Variants in DPP10 observed in about 807,000 individuals in gnomAD.
DPP10 encodes dipeptidyl peptidase like 10, also known as inactive dipeptidyl peptidase 10.
In DPP10, 33 loss-of-function variants were observed where a neutral mutation model predicts 120.9. That is an observed-to-expected ratio of 0.27 (90% CI 0.21 to 0.37). The LOEUF is 0.37. Among genes scored for constraint, DPP10 ranks in the 10% least tolerant of loss-of-function variants. The probability of loss-of-function intolerance (pLI) is 1.00; values close to 1 mark genes in which losing one functional copy is unlikely to be tolerated. For missense variants in DPP10, 816 were observed against 942.8 expected (o/e 0.87, Z 1.76); for synonymous variants, 337 against 326.1 (o/e 1.03, Z -0.36).
At chr2:115,403,390 T>C (rs2068256638) in intron 3 of DPP10, among the ~76,000 whole-genome samples, 2 of 25,658 alleles carry the variant, frequency 7.8e-5, no homozygotes, top group African/African-American at 2.4e-4. Flanking sequence ...TCTTTTTTTT[T>C]TTTTTTTTTT....
chr2:115,705,191 T>C (rs2092052600), intron 7 of DPP10, among the ~76,000 whole-genome samples: 1 of 151,958 alleles, frequency 6.6e-6, no homozygotes, highest in African/African-American at 2.4e-5. Flanking sequence ...TTGTGAACTA[T>C]TTGATCAATT....
chr2:115,781,783 G>A (rs184960272), intron 16 of DPP10, among the ~76,000 whole-genome samples: 1 of 151,938 alleles, frequency 6.6e-6, no homozygotes, highest in African/African-American at 2.4e-5. Flanking sequence ...GTTTTAGATG[G>A]GATTCCTTAG....
chr2:114,475,485 C>T (rs1030512950), intron 1 of DPP10, among the ~76,000 whole-genome samples: 6 of 151,940 alleles, frequency 3.9e-5, no homozygotes, highest in Non-Finnish European at 7.4e-5. Context: ...CTCTCTCTGC[C>T]CCTCTCTCTC....
intron 1 of DPP10, among the ~76,000 whole-genome samples, chr2:115,231,409 G>T (rs1268389213): frequency 6.6e-6 from 1 of 152,022 alleles, no homozygotes; most frequent in East Asian, 1.9e-4. Context: ...TTGCTATGAA[G>T]AATTTAAAGC....
chr2:114,698,200 C>T (rs1700178798), intron 1 of DPP10, among the ~76,000 whole-genome samples: 1 of 151,976 alleles, frequency 6.6e-6, no homozygotes, highest in Non-Finnish European at 1.5e-5. Flanking sequence ...ATAAAACACT[C>T]ATAGTTACCC....
chr2:114,869,202 T>C (rs1163042274), intron 1 of DPP10, among the ~76,000 whole-genome samples: 1 of 152,190 alleles, frequency 6.6e-6, no homozygotes, highest in Non-Finnish European at 1.5e-5. Context: ...TGTGTACATA[T>C]ATATACATAT....
intron 1 of DPP10, among the ~76,000 whole-genome samples, chr2:114,728,833 C>A (rs1168845349): frequency 1.3e-5 from 2 of 152,204 alleles, no homozygotes; most frequent in African/African-American, 2.4e-5. Flanking sequence ...GAGGCAAAAT[C>A]TGTTAGGTAG....
chr2:115,605,671 TC>T (rs2083658498), intron 5 of DPP10, among the ~76,000 whole-genome samples: 1 of 152,060 alleles, frequency 6.6e-6, no homozygotes, highest in Admixed American at 6.6e-5. Context: ...CCAAGAATGT[TC>T]CTATCTTCTT....
intron 1 of DPP10, among the ~76,000 whole-genome samples, chr2:114,497,258 T>TAC (rs1682656228): frequency 2.8e-5 from 3 of 108,244 alleles, no homozygotes; most frequent in Non-Finnish European, 4.0e-5. Context: ...TGCATGTACG[T>TAC]GTGTATACAT....
At chr2:115,600,785 CTT>C (rs1262933183) in intron 5 of DPP10, among the ~76,000 whole-genome samples, 1 of 152,170 alleles carries the variant, frequency 6.6e-6, no homozygotes, top group African/African-American at 2.4e-5. Context: ...CGAGGGGAAA[CTT>C]CAGTTGAATA....
intron 1 of DPP10, among the ~76,000 whole-genome samples, chr2:115,204,584 T>C (rs1353792037): frequency 8.5e-5 from 13 of 152,150 alleles, no homozygotes; most frequent in Non-Finnish European, 2.9e-5. Context: ...GAAATGGGAA[T>C]CTGAGGCTCA....
chr2:114,910,723 C>T (rs974590123), intron 1 of DPP10, among the ~76,000 whole-genome samples: 3 of 151,948 alleles, frequency 2.0e-5, no homozygotes, highest in East Asian at 1.9e-4. Context: ...TCTGGAGCAA[C>T]GATCTTTAAA....
At chr2:115,381,298 T>G (rs2066327185) in intron 3 of DPP10, among the ~76,000 whole-genome samples, 2 of 152,206 alleles carry the variant, frequency 1.3e-5, no homozygotes, top group African/African-American at 4.8e-5. Context: ...TTCATTTCAT[T>G]CATTTCATCT....
chr2:115,712,559 T>TATATATATATATATATATATATATATAA (rs1291027245), intron 7 of DPP10, among the ~76,000 whole-genome samples: 1 of 119,748 alleles, frequency 8.4e-6, no homozygotes, highest in East Asian at 3.3e-4. Context: ...TATATATATA[T>TATATATATATATATATATATATATATAA]ATATATAAAG....
chr2:115,321,365 A>G (rs1006080950), intron 2 of DPP10, among the ~76,000 whole-genome samples: 8 of 152,220 alleles, frequency 5.3e-5, no homozygotes, highest in Non-Finnish European at 8.8e-5. Context: ...TCTTGTCTCT[A>G]TATTTATTGC....
intron 1 of DPP10, among the ~76,000 whole-genome samples, chr2:115,262,070 A>G (rs1052416382): frequency 1.3e-5 from 2 of 152,168 alleles, no homozygotes; most frequent in African/African-American, 4.8e-5. Context: ...CTTCTACCAC[A>G]TACAAATTGC....
chr2:114,634,015 C>G (rs2105391076), intron 1 of DPP10, among the ~76,000 whole-genome samples: 1 of 151,982 alleles, frequency 6.6e-6, no homozygotes, highest in East Asian at 1.9e-4. Context: ...AATTTAGATA[C>G]AACATCTTCT....
intron 1 of DPP10, among the ~76,000 whole-genome samples, chr2:114,600,177 C>T (rs1423272128): frequency 1.3e-5 from 2 of 151,500 alleles, no homozygotes; most frequent in African/African-American, 4.8e-5. Context: ...TGTTAAACCA[C>T]GAAGTGACCC....
At chr2:114,967,207 C>T (rs1014138843) in intron 1 of DPP10, among the ~76,000 whole-genome samples, 6 of 152,052 alleles carry the variant, frequency 3.9e-5, no homozygotes, top group African/African-American at 1.4e-4. Context: ...AAAAAATCTT[C>T]CATTAGGCAG....
Sources: allele counts gnomAD v4.1 joint callset (sites outside exome capture counted in the v4.1 genomes callset), GRCh38; gene constraint gnomAD v4.1.1; transcripts MANE v1.5; gene names NCBI Gene and HGNC (gene_info 2026-07-23, HGNC 2026-07-21).